Variants in RTL9 observed in about 807,000 individuals in gnomAD.
RTL9 encodes the protein retrotransposon Gag-like protein 9.
A neutral mutation model predicts 44.7 loss-of-function variants in RTL9; 19 were observed. The observed-to-expected ratio is 0.42, with a 90% confidence interval of 0.30 to 0.62. RTL9 has a LOEUF of 0.62. Among genes scored for constraint, RTL9 ranks in the 20% least tolerant of loss-of-function variants. The probability of loss-of-function intolerance (pLI) is 0.16; values close to 1 mark genes in which losing one functional copy is unlikely to be tolerated. For missense variants in RTL9, 1,105 were observed against 1,080.6 expected, an observed-to-expected ratio of 1.02 and a Z score of -0.32; for synonymous variants, 407 against 398.9, an observed-to-expected ratio of 1.02 and a Z score of -0.24.
In RTL9 at chrX:110,439,610, C is replaced by A. The variant is rs914890462; in HGVS notation, c.-167-5543C>A. On this transcript the variant is annotated intron_variant, in intron 1 of 3. Transcript: ENST00000465301. ...TCCAACATAAGAAATCAGGTGTGCACAACATTGATGAACAGAAGACCCCAA... is the reference window on the plus strand; with the variant it reads ...TCCAACATAAGAAATCAGGTGTGCAAAACATTGATGAACAGAAGACCCCAA... Among the ~76,000 whole-genome samples the A allele has an allele frequency of 4.5e-5, 5 of 112,053 alleles. No homozygotes were observed. The Admixed American group carries it at 4.7e-4, about 11-fold the overall frequency.
intron 1 of RTL9, among the ~76,000 whole-genome samples, chrX:110,371,213 T>C (rs1330902256): frequency 1.8e-5 from 2 of 111,006 alleles, no homozygotes; most frequent in Admixed American, 1.9e-4. Context: ...CCTCTTTGTG[T>C]ACCCCCCGAG....
exon 1 of RTL9, chrX:110,452,552 G>T (rs935447280): frequency 6.6e-6 from 8 of 1,211,715 alleles, no homozygotes; most frequent in Non-Finnish European, 6.7e-6. Flanking sequence ...CACTGCTAAT[G>T]AGAGACACAG....
At chrX:110,359,379 C>T (rs1373534155) in intron 1 of RTL9, among the ~76,000 whole-genome samples, 1 of 111,442 alleles carries the variant, frequency 9.0e-6, no homozygotes, top group Non-Finnish European at 1.9e-5. Flanking sequence ...CCTCTTTTGG[C>T]ATTACTCATG....
chrX:110,429,738 T>A (rs1356059352), intron 1 of RTL9, among the ~76,000 whole-genome samples: 1 of 112,046 alleles, frequency 8.9e-6, no homozygotes, highest in Admixed American at 9.4e-5. Flanking sequence ...TGTCTCGGCC[T>A]CCCAAAGTGC....
At chrX:110,425,308 G>T (rs2068745871) in intron 1 of RTL9, among the ~76,000 whole-genome samples, 1 of 111,942 alleles carries the variant, frequency 8.9e-6, no homozygotes, top group African/African-American at 3.3e-5. Flanking sequence ...ATGGGTAATT[G>T]GATCCTGGCC....
At chrX:110,438,516 C>T (rs1317062796) in intron 1 of RTL9, among the ~76,000 whole-genome samples, 1 of 111,526 alleles carries the variant, frequency 9.0e-6, no homozygotes, top group East Asian at 2.8e-4. Flanking sequence ...ATCATTTTCT[C>T]AGAGCTCCTT....
intron 1 of RTL9, among the ~76,000 whole-genome samples, chrX:110,382,776 A>G (rs1191771818): frequency 9.0e-6 from 1 of 111,541 alleles, no homozygotes; most frequent in African/African-American, 3.3e-5. Flanking sequence ...CCTTCTCCCC[A>G]TTTCCACTCA....
At chrX:110,397,729 C>G (rs1246595508) in intron 1 of RTL9, among the ~76,000 whole-genome samples, 1 of 111,697 alleles carries the variant, frequency 9.0e-6, no homozygotes, top group East Asian at 2.8e-4. Context: ...GCCTGGGGAA[C>G]AGCCTGCAAA....
intron 1 of RTL9, among the ~76,000 whole-genome samples, chrX:110,410,240 G>C (rs2068632763): frequency 9.0e-6 from 1 of 111,570 alleles, no homozygotes; most frequent in South Asian, 3.8e-4. Flanking sequence ...GACATTATTA[G>C]TGTGGGAAGA....
intron 1 of RTL9, among the ~76,000 whole-genome samples, chrX:110,404,281 G>A (rs1182987859): frequency 1.8e-5 from 2 of 111,213 alleles, no homozygotes; most frequent in Non-Finnish European, 3.8e-5. Flanking sequence ...CTTCATTGCT[G>A]TCTTCTGAAG....
chrX:110,416,484 G>A (rs971413581), upstream of RTL9, among the ~76,000 whole-genome samples: 5 of 111,268 alleles, frequency 4.5e-5, no homozygotes, highest in Admixed American at 1.9e-4. Context: ...GCACAGGGGT[G>A]TTGAATCACT....
At chrX:110,453,256 C>T (rs2068957497) in exon 1 of RTL9, 3 of 1,211,543 alleles carry the variant, frequency 2.5e-6, no homozygotes, top group Non-Finnish European at 3.4e-6. Flanking sequence ...ATGCCCACAG[C>T]TTCTGGAGAC....
intron 1 of RTL9, among the ~76,000 whole-genome samples, chrX:110,419,541 A>G (rs1003823075): frequency 1.8e-5 from 2 of 112,718 alleles, no homozygotes; most frequent in African/African-American, 3.2e-5. Context: ...ACTGGAATGT[A>G]AGCTCCAAGA....
intron 1 of RTL9, among the ~76,000 whole-genome samples, chrX:110,422,531 A>G (rs1209283617): frequency 8.8e-6 from 1 of 113,001 alleles, no homozygotes; most frequent in Non-Finnish European, 1.9e-5. Flanking sequence ...TTTCACACCC[A>G]TGACTGCAAT....
Position 110,377,055 on chromosome X carries a change from G to C in RTL9, c.-168+18139G>C, listed in dbSNP as rs189217500. ...AGGCAGTGGGTGAAAGTGGAGTGGG[G>C]CCACTAGTAGACAGTAATAACAATA... On this transcript the variant is annotated intron_variant, in intron 1 of 2. Coordinates refer to the RTL9 transcript ENST00000520821. Among the ~76,000 whole-genome samples, 433 of 111,493 alleles carry C rather than the reference G, an allele frequency of 3.9e-3. 4 individuals carry two copies. The highest frequency in any genetic ancestry group is 0.012 in the African/African-American group (372 of 30,617).
chrX:110,409,140 C>A (rs1472143959), intron 1 of RTL9, among the ~76,000 whole-genome samples: 3 of 110,648 alleles, frequency 2.7e-5, no homozygotes, highest in Middle Eastern at 4.2e-3. Flanking sequence ...TGGAGTCAGG[C>A]ATGTAGGTCA....
intron 1 of RTL9, among the ~76,000 whole-genome samples, chrX:110,434,188 T>C (rs765049020): frequency 2.0e-4 from 22 of 111,857 alleles, no homozygotes; most frequent in Non-Finnish European, 3.6e-4. Context: ...AGGACAATTG[T>C]AGCTGGGTGC....
exon 1 of RTL9, chrX:110,453,357 C>T (rs771704401): frequency 8.3e-7 from 1 of 1,210,427 alleles, no homozygotes; most frequent in Non-Finnish European, 1.1e-6. Flanking sequence ...GTCCACACCA[C>T]TAAGGAGACC....
upstream of RTL9, among the ~76,000 whole-genome samples, chrX:110,416,381 A>C (rs2068677830): frequency 8.9e-6 from 1 of 112,182 alleles, no homozygotes; most frequent in Non-Finnish European, 1.9e-5. Flanking sequence ...GCACATGGTA[A>C]CTGCTTTAAA....
Sources: allele counts gnomAD v4.1 joint callset (sites outside exome capture counted in the v4.1 genomes callset), GRCh38; gene constraint gnomAD v4.1.1; transcripts MANE v1.5; gene names NCBI Gene and HGNC (gene_info 2026-07-23, HGNC 2026-07-21).